The following TMEM178A variants were observed in gnomAD, a reference collection of about 807,000 sequenced individuals.
TMEM178A encodes transmembrane protein 178A, also known as transmembrane protein 178.
Under a neutral mutation model 29.1 loss-of-function variants are expected in TMEM178A, and 12 were observed. That is an observed-to-expected ratio of 0.41 (90% CI 0.26 to 0.67). The LOEUF (loss-of-function observed/expected upper bound fraction) is 0.67, where lower values mean the gene tolerates loss of function less well. Among genes scored for constraint, TMEM178A ranks in the 30% least tolerant of loss-of-function variants. TMEM178A has a pLI of 0.29. For missense variants in TMEM178A, 366 were observed against 419.1 expected (o/e 0.87, Z 1.11); for synonymous variants, 210 against 187.2 (o/e 1.12, Z -0.99).
At chr2:39,720,275 A>G (rs1434673156), downstream of TMEM178A, among the ~76,000 whole-genome samples, 2 of 152,168 alleles carry the variant, frequency 1.3e-5, no homozygotes, top group African/African-American at 4.8e-5. Flanking sequence ...AAGTCTGAGA[A>G]TGACAAAAGT....
intron 1 of TMEM178A, among the ~76,000 whole-genome samples, chr2:39,675,888 T>TC (rs1490268259): frequency 6.6e-6 from 1 of 152,050 alleles, no homozygotes; most frequent in Non-Finnish European, 1.5e-5. Context: ...CAAGTGATTG[T>TC]CCCACCTCAG....
the TMEM178A span, among the ~76,000 whole-genome samples, chr2:39,725,122 A>G: frequency 6.6e-6 from 1 of 152,138 alleles, no homozygotes; most frequent in African/African-American, 2.4e-5. Flanking sequence ...GGTTTTCAAG[A>G]GAAGTGAAAT....
At chr2:39,687,950 G>C (rs1671152779) in intron 1 of TMEM178A, among the ~76,000 whole-genome samples, 1 of 152,158 alleles carries the variant, frequency 6.6e-6, no homozygotes. Flanking sequence ...GGGACTGTAG[G>C]CAGATTATTT....
upstream of TMEM178A, chr2:39,665,863 TG>T (rs1367851656): frequency 4.9e-6 from 4 of 810,146 alleles, no homozygotes; most frequent in Non-Finnish European, 4.5e-6. Flanking sequence ...AGGAGGGAGG[TG>T]GGGGGCAGGT....
intron 1 of TMEM178A, among the ~76,000 whole-genome samples, chr2:39,686,534 G>A (rs1671082804): frequency 6.6e-6 from 1 of 152,174 alleles, no homozygotes; most frequent in Non-Finnish European, 1.5e-5. Flanking sequence ...TGATGCTTAA[G>A]TATAAGGCAG....
At position 39,717,521 on chromosome 2, in the gene TMEM178A, C is replaced by G; in HGVS notation, c.*270C>G. ...TTTCTAGGTGTAGAGAAAGAAGAAA[C>G]TGCAATGGAAAAATTTGTATGATTT... On this transcript the variant is annotated 3_prime_UTR_variant, in exon 4 of 4. Transcript: ENST00000281961. The G allele has an allele frequency of 3.1e-6, 1 of 326,224 alleles. No individual in the cohort carries two copies. Among genetic ancestry groups the G allele is most frequent in the Non-Finnish European group, 5.5e-6 (1 of 181,358 alleles). The allele number at this position is 326,224 out of a possible 1,614,324, so 20.2% of individuals were successfully genotyped here. A position where few individuals can be genotyped will look rare whatever the true frequency, so the allele number is the denominator to read the frequency against.
In TMEM178A at chr2:39,673,352, C is replaced by T. The variant is rs139389179; in HGVS notation, c.400+6978C>T. On this transcript the variant is annotated intron_variant, in intron 1 of 3. Coordinates refer to ENST00000281961, the MANE Select transcript of TMEM178A (RefSeq NM_152390.3). Reference sequence around the variant, plus strand: ...GGGAATGCATTAGCAAGTGAACAAACGGGGACAAATACAAACCATATTTAA... The same window carrying T: ...GGGAATGCATTAGCAAGTGAACAAATGGGGACAAATACAAACCATATTTAA... 2.9e-3 allele frequency among the ~76,000 whole-genome samples: 442 copies of T among 152,308 alleles called. 4 individuals carry two copies. The highest frequency in any genetic ancestry group is 9.9e-3 in the African/African-American group (410 of 41,558).
chr2:39,672,708 AAAC>A (rs1239910551), intron 1 of TMEM178A, among the ~76,000 whole-genome samples: 2 of 152,036 alleles, frequency 1.3e-5, no homozygotes, highest in African/African-American at 4.8e-5. Context: ...TTTAAAAAAA[AAAC>A]AACTTTGTAG....
intron 2 of TMEM178A, among the ~76,000 whole-genome samples, chr2:39,706,235 A>T (rs1392651549): frequency 6.6e-6 from 1 of 152,136 alleles, no homozygotes; most frequent in Non-Finnish European, 1.5e-5. Context: ...CAATAGACCA[A>T]ACTAGACAGT....
chr2:39,722,978 G>C, the TMEM178A span, among the ~76,000 whole-genome samples: 3 of 152,154 alleles, frequency 2.0e-5, no homozygotes, highest in East Asian at 3.9e-4. Flanking sequence ...GGGGATTCTG[G>C]AAAGGGCATG....
At chr2:39,667,401 C>A (rs1047459622) in intron 1 of TMEM178A, among the ~76,000 whole-genome samples, 21 of 147,898 alleles carry the variant, frequency 1.4e-4, no homozygotes, top group African/African-American at 5.0e-4. Context: ...TGTGAAGCTT[C>A]CTTTAACTTT....
intron 1 of TMEM178A, among the ~76,000 whole-genome samples, chr2:39,689,134 T>G (rs959245032): frequency 6.6e-6 from 1 of 152,178 alleles, no homozygotes; most frequent in African/African-American, 2.4e-5. Context: ...AAAGTGTAGC[T>G]CAATACGAAG....
chr2:39,716,370 G>A (rs556845261), intron 3 of TMEM178A, among the ~76,000 whole-genome samples: 1 of 152,282 alleles, frequency 6.6e-6, no homozygotes, highest in South Asian at 2.1e-4. Context: ...GTCTGTCCAT[G>A]TTCCTTATGT....
At chr2:39,701,371 T>C (rs1034731465) in intron 1 of TMEM178A, among the ~76,000 whole-genome samples, 2 of 152,180 alleles carry the variant, frequency 1.3e-5, no homozygotes, top group Admixed American at 6.5e-5. Context: ...TGTGTCATCC[T>C]ATTCCGTTCT....
At chr2:39,722,535 G>A (rs2716704), downstream of TMEM178A, among the ~76,000 whole-genome samples, 73,730 of 151,880 alleles carry the variant, frequency 0.49, 18,420 homozygotes, top group East Asian at 0.74. Context: ...AAGACCTGAA[G>A]ATAGTATTCA....
chr2:39,733,365 C>A, the TMEM178A span, among the ~76,000 whole-genome samples: 4 of 152,182 alleles, frequency 2.6e-5, no homozygotes, highest in African/African-American at 9.7e-5. Context: ...TTTGTGTCAC[C>A]AGACAGGAGC....
chr2:39,668,098 C>A (rs938212895), intron 1 of TMEM178A, among the ~76,000 whole-genome samples: 1 of 152,172 alleles, frequency 6.6e-6, no homozygotes, highest in Non-Finnish European at 1.5e-5. Context: ...GAAGAGGGGA[C>A]CCCCACAGGA....
chr2:39,728,699 C>T, the TMEM178A span, among the ~76,000 whole-genome samples: 1 of 151,872 alleles, frequency 6.6e-6, no homozygotes, highest in Admixed American at 6.6e-5. Flanking sequence ...ATCACTGTCA[C>T]TCACTTCAAG....
In TMEM178A at chr2:39,680,476, A is replaced by G. The variant is rs114336332; in HGVS notation, c.400+14102A>G. Among the ~76,000 whole-genome samples, 1,470 of 152,232 alleles carry G rather than the reference A, an allele frequency of 9.7e-3. 22 individuals carry two copies. Among genetic ancestry groups the G allele is most frequent in the African/African-American group, 0.031 (1,287 of 41,514 alleles). ...TCAAAGGAGAAATTGGAACTTTTCT[A>G]TCGTTTCAGGAATTGTTTTCTGTTG... On this transcript the variant is annotated intron_variant, in intron 1 of 3. Coordinates refer to ENST00000281961, the MANE Select transcript of TMEM178A (RefSeq NM_152390.3).
Sources: allele counts gnomAD v4.1 joint callset (sites outside exome capture counted in the v4.1 genomes callset), GRCh38; gene constraint gnomAD v4.1.1; transcripts MANE v1.5; gene names NCBI Gene and HGNC (gene_info 2026-07-23, HGNC 2026-07-21).